Variants in TBC1D14 observed in about 807,000 individuals in gnomAD.
The protein encoded by TBC1D14 is TBC1 domain family, member 14.
Under a neutral mutation model 79.0 loss-of-function variants are expected in TBC1D14, and 26 were observed. The observed-to-expected ratio is 0.33, with a 90% CI of 0.24 to 0.46. The LOEUF is 0.46. Among genes scored for constraint, TBC1D14 ranks in the 20% least tolerant of loss-of-function variants. The pLI, the probability that TBC1D14 is intolerant of heterozygous loss-of-function variation, is 1.00. For synonymous variants in TBC1D14, 394 were observed against 349.9 expected, an observed-to-expected ratio of 1.13 and a Z score of -1.40; for missense variants, 769 against 887.6, an observed-to-expected ratio of 0.87 and a Z score of 1.70.
At position 6,982,317 on chromosome 4, in the gene TBC1D14, G is replaced by A. The variant is rs138350231; in HGVS notation, c.844-11867G>A. On this transcript the variant is annotated intron_variant, in intron 3 of 13. Transcript: ENST00000409757. ...ACACCTAATACCTTGGGTGAACCTC[G>A]GGCATTATCTGAAGGTAAAAGTCAG... Among the ~76,000 whole-genome samples, 220 of 152,260 alleles carry A rather than the reference G, an allele frequency of 1.4e-3. No individual in the cohort carries two copies. The Middle Eastern group carries it at 0.024, about 16-fold the overall frequency.
chr4:6,973,512 A>G (rs576524219), intron 3 of TBC1D14, among the ~76,000 whole-genome samples: 1 of 152,334 alleles, frequency 6.6e-6, no homozygotes, highest in South Asian at 2.1e-4. Flanking sequence ...ACCCGGTGTC[A>G]CCCAATGAAT....
chr4:6,961,719 C>T (rs1715217880), intron 2 of TBC1D14, among the ~76,000 whole-genome samples: 1 of 152,018 alleles, frequency 6.6e-6, no homozygotes, highest in Non-Finnish European at 1.5e-5. Context: ...TGGTAGAGAG[C>T]GTTGCTGGGG....
intron 1 of TBC1D14, among the ~76,000 whole-genome samples, chr4:6,911,769 C>G (rs544675422): frequency 6.6e-6 from 1 of 152,332 alleles, no homozygotes; most frequent in East Asian, 1.9e-4. Flanking sequence ...GTTTGAATCT[C>G]TCTCTCCCGT....
At chr4:6,957,860 A>G (rs753532300) in intron 2 of TBC1D14, among the ~76,000 whole-genome samples, 2 of 152,126 alleles carry the variant, frequency 1.3e-5, no homozygotes, top group Non-Finnish European at 2.9e-5. Context: ...CTGTGTTCAC[A>G]CCACTGTACT....
intron 3 of TBC1D14, among the ~76,000 whole-genome samples, chr4:6,993,582 CAGT>C (rs936293876): frequency 2.0e-5 from 3 of 152,200 alleles, no homozygotes; most frequent in African/African-American, 7.2e-5. Context: ...ACCCAGGAGA[CAGT>C]AGACCTGAGG....
At chr4:6,933,983 C>T (rs761316740) in intron 2 of TBC1D14, among the ~76,000 whole-genome samples, 9 of 152,124 alleles carry the variant, frequency 5.9e-5, no homozygotes, top group Non-Finnish European at 8.8e-5. Context: ...CTGAGACTTT[C>T]GGCCTCAGCC....
chr4:6,937,066 T>C (rs1712407684), intron 2 of TBC1D14, among the ~76,000 whole-genome samples: 1 of 152,156 alleles, frequency 6.6e-6, no homozygotes, highest in Admixed American at 6.5e-5. Context: ...TACAGGCATG[T>C]GCCACTGCGC....
At chr4:6,985,990 T>TA (rs1189358884) in intron 3 of TBC1D14, among the ~76,000 whole-genome samples, 1 of 152,236 alleles carries the variant, frequency 6.6e-6, no homozygotes. Context: ...AGTTTCAAAA[T>TA]ATGTTCGACA....
chr4:6,947,330 C>A (rs1409468912), intron 2 of TBC1D14, among the ~76,000 whole-genome samples: 2 of 152,076 alleles, frequency 1.3e-5, no homozygotes, highest in African/African-American at 4.8e-5. Flanking sequence ...ACCCCGTCTC[C>A]ACTAAAAATA....
At chr4:6,937,248 C>T (rs983700093) in intron 2 of TBC1D14, among the ~76,000 whole-genome samples, 5 of 151,848 alleles carry the variant, frequency 3.3e-5, no homozygotes, top group Non-Finnish European at 4.4e-5. Flanking sequence ...ATATTGTAGA[C>T]GAGGTGGCTT....
intron 1 of TBC1D14, among the ~76,000 whole-genome samples, chr4:6,916,515 AAATC>A (rs1723413727): frequency 6.6e-6 from 1 of 152,192 alleles, no homozygotes; most frequent in Non-Finnish European, 1.5e-5. Flanking sequence ...AAGGAGGAGA[AAATC>A]AAGCAGTTGC....
chr4:6,937,445 C>T (rs1050745178), intron 2 of TBC1D14, among the ~76,000 whole-genome samples: 3 of 151,900 alleles, frequency 2.0e-5, no homozygotes, highest in Non-Finnish European at 4.4e-5. Flanking sequence ...ATACTGTCAA[C>T]CTGAGGGTTA....
intron 2 of TBC1D14, among the ~76,000 whole-genome samples, chr4:6,937,171 C>T (rs982082399): frequency 1.3e-5 from 2 of 152,250 alleles, no homozygotes; most frequent in Non-Finnish European, 2.9e-5. Flanking sequence ...CCCGCCACAA[C>T]CTCCCAAAGT....
At chr4:7,030,244 G>A (rs1577203862) in intron 13 of TBC1D14, 83 bp from the exon 14 acceptor site, 2 of 1,347,560 alleles carry the variant, frequency 1.5e-6, no homozygotes, top group East Asian at 2.3e-5. Flanking sequence ...CCTGTTAGGA[G>A]GCTACTGCTG....
intron 1 of TBC1D14, among the ~76,000 whole-genome samples, chr4:6,920,177 A>G (rs1414221704): frequency 1.3e-5 from 2 of 152,138 alleles, no homozygotes; most frequent in African/African-American, 4.8e-5. Context: ...TCTGCATTTC[A>G]TTTAATTCCT....
intron 3 of TBC1D14, among the ~76,000 whole-genome samples, chr4:6,985,102 A>G (rs906990359): frequency 6.6e-5 from 10 of 152,308 alleles, no homozygotes; most frequent in Non-Finnish European, 1.0e-4. Context: ...TTGTGCCTCT[A>G]TTTTTTAAAA....
At position 7,030,501 on chromosome 4, in the gene TBC1D14, T is replaced by G; in HGVS notation, c.*109T>G. ...CCGAGAAGAACAGACGCTCTTTAAG[T>G]TTGATTCCTAACACTGGAGTTGGCC... On this transcript the variant is annotated 3_prime_UTR_variant, in exon 14 of 14. Coordinates refer to ENST00000409757, the MANE Select transcript of TBC1D14 (RefSeq NM_020773.3). 1 of 1,130,518 alleles carries G rather than the reference T, an allele frequency of 8.8e-7. No homozygotes were observed. The highest frequency in any genetic ancestry group is 1.3e-6 in the Non-Finnish European group (1 of 769,224). 70.0% of individuals were successfully genotyped at this position (1,130,518 alleles called of 1,614,324 possible). A position where few individuals can be genotyped will look rare whatever the true frequency, so the allele number is the denominator to read the frequency against.
intron 3 of TBC1D14, among the ~76,000 whole-genome samples, chr4:6,990,318 A>C (rs901668475): frequency 2.6e-5 from 4 of 152,190 alleles, no homozygotes; most frequent in African/African-American, 9.7e-5. Flanking sequence ...GCCTGGTGGC[A>C]CGCGCTTGTA....
intron 2 of TBC1D14, among the ~76,000 whole-genome samples, chr4:6,934,346 T>G (rs1332398249): frequency 6.6e-6 from 1 of 151,214 alleles, no homozygotes; most frequent in Non-Finnish European, 1.5e-5. Flanking sequence ...TGAGCATGGG[T>G]GTCAACAAGG....
Sources: allele counts gnomAD v4.1 joint callset (sites outside exome capture counted in the v4.1 genomes callset), GRCh38; gene constraint gnomAD v4.1.1; transcripts MANE v1.5; gene names NCBI Gene and HGNC (gene_info 2026-07-23, HGNC 2026-07-21).